The following MMAB variants were observed in gnomAD, a reference collection of about 807,000 sequenced individuals.
MMAB encodes the protein corrinoid adenosyltransferase MMAB.
In MMAB, 17 loss-of-function variants were observed where a neutral mutation model predicts 30.6. The ratio of observed to expected loss-of-function variants is 0.56; its 90% CI spans 0.38 to 0.83. MMAB has a LOEUF of 0.83. Among genes scored for constraint, MMAB ranks in the 40% least tolerant of loss-of-function variants. The pLI, the probability that MMAB is intolerant of heterozygous loss-of-function variation, is 0.00. For synonymous variants in MMAB, 134 were observed against 138.6 expected (o/e 0.97, Z 0.23); for missense variants, 311 against 331.6 (o/e 0.94, Z 0.48).
At chr12:109,564,456 T>G (rs1884338542) in intron 4 of MMAB, among the ~76,000 whole-genome samples, 1 of 148,880 alleles carries the variant, frequency 6.7e-6, no homozygotes, top group Non-Finnish European at 1.5e-5. Flanking sequence ...TAATCACATC[T>G]CACTGCAGCC....
chr12:109,556,958 A>G lies in MMAB; in HGVS notation c.*70T>C. 1 of 1,078,310 alleles carries G rather than the reference A, an allele frequency of 9.3e-7. No individual in the cohort carries two copies. The highest frequency in any genetic ancestry group is 1.4e-6 in the Non-Finnish European group (1 of 699,088). The allele number at this position is 1,078,310 out of a possible 1,614,324, so 66.8% of individuals were successfully genotyped here. A position where few individuals can be genotyped will look rare whatever the true frequency, so the allele number is the denominator to read the frequency against. On this transcript the variant is annotated 3_prime_UTR_variant, in exon 9 of 9. Coordinates refer to ENST00000545712, the MANE Select transcript of MMAB (RefSeq NM_052845.4). ...TGAGCTCTTCAGGAACCAGGACCCCAGAAGGGCAAGCTCCTCTCTCCACGG... is the reference window on the plus strand; with the variant it reads ...TGAGCTCTTCAGGAACCAGGACCCCGGAAGGGCAAGCTCCTCTCTCCACGG...
At position 109,561,595 on chromosome 12, in the gene MMAB, C is replaced by T. The variant is rs560702120; in HGVS notation, c.422-78G>A. The T allele has an allele frequency of 6.2e-5, 84 of 1,344,854 alleles. No homozygotes were observed. The African/African-American group carries it at 1.0e-3, about 16-fold the overall frequency. 83.3% of individuals were successfully genotyped at this position (1,344,854 alleles called of 1,614,324 possible). On this transcript the variant is annotated intron_variant, in intron 5 of 8. Transcript: ENST00000545712. This position sits in a 1 kb window ranked among gnomAD's most constrained non-coding sequence, Gnocchi z 5.3. ...CATGGCGGGAACCACCCCCGCCGCC[C>T]TTCCACCTGGGTGTCCCGCAGACTG...
At position 109,568,762 on chromosome 12, in the gene MMAB, C is replaced by A; in HGVS notation, c.290+8G>T. Reference sequence around the variant, plus strand: ...ACGCAACCTCAAGGCCAATCCTGTCCCCCTTACCCAATAGCTGAACTTAAT... The same window carrying A: ...ACGCAACCTCAAGGCCAATCCTGTCACCCTTACCCAATAGCTGAACTTAAT... On this transcript the variant is annotated splice_region_variant and intron_variant, in intron 3 of 8. Transcript: ENST00000545712. 1 of 1,609,502 alleles carries A rather than the reference C, an allele frequency of 6.2e-7. No individual in the cohort carries two copies.
intron 7 of MMAB, among the ~76,000 whole-genome samples, chr12:109,560,038 G>A (rs570316456): frequency 3.9e-5 from 6 of 152,346 alleles, no homozygotes; most frequent in South Asian, 4.1e-4. Context: ...GCCTGTTTTC[G>A]GGGCCTTTGG....
At chr12:109,573,158 T>C (rs1884716831) in intron 1 of MMAB, 189 bp downstream of exon 1, 7 of 704,476 alleles carry the variant, frequency 9.9e-6, no homozygotes, top group Non-Finnish European at 1.7e-5. Flanking sequence ...GGGACTTCAT[T>C]GGGACTTAGG....
chr12:109,562,372 G>T (rs992607756), intron 4 of MMAB, among the ~76,000 whole-genome samples: 3 of 152,204 alleles, frequency 2.0e-5, no homozygotes, highest in Non-Finnish European at 4.4e-5. Flanking sequence ...ACTAATACAG[G>T]CTATCAGACC....
rs929863963 is a variant in MMAB at position 109,553,979 on chromosome 12, C to T, written c.*3049G>A. On this transcript the variant is annotated 3_prime_UTR_variant, in exon 9 of 9. Coordinates refer to ENST00000545712, the MANE Select transcript of MMAB (RefSeq NM_052845.4). The stretch of plus-strand genomic sequence containing the variant: ...GATGAAAAACGCACATTAACGATAG[C>T]CATGAAATATTAGTTAAGGGAAACT... 3 of 453,964 alleles carry T rather than the reference C, an allele frequency of 6.6e-6. No homozygotes were observed. The highest frequency in any genetic ancestry group is 6.0e-5 in the African/African-American group (3 of 49,980). The allele number at this position is 453,964 out of a possible 1,614,324, so 28.1% of individuals were successfully genotyped here.
rs934728370 is a variant in MMAB at position 109,558,364 on chromosome 12, C to T, written c.644+732G>A. On this transcript the variant is annotated intron_variant, in intron 8 of 8. Transcript: ENST00000545712. This position sits in a 1 kb window ranked among gnomAD's most constrained non-coding sequence, Gnocchi z 4.3. ...AGAAGGAAAGGAGCTGCTCAGGACC[C>T]GTCAAAGCGCCATGTCTCTGGGAGG... Among the ~76,000 whole-genome samples, 3 of 152,164 alleles carry T rather than the reference C, an allele frequency of 2.0e-5. No homozygotes were observed. The highest frequency in any genetic ancestry group is 2.9e-5 in the Non-Finnish European group (2 of 68,030).
intron 3 of MMAB, 62 bp from the exon 4 acceptor site, chr12:109,565,238 A>G: frequency 1.6e-6 from 2 of 1,286,162 alleles, no homozygotes; most frequent in Non-Finnish European, 1.1e-6. Context: ...CTGTCTTGCC[A>G]TAAACAATAG....
Position 109,554,245 on chromosome 12 carries a change from C to T in MMAB, c.*2783G>A, listed in dbSNP as rs1012338830. ...TTCAAATGAGATAATGTCTGTGGAA[C>T]ACTTGGCTCAGGGCACTGCACATAG... On this transcript the variant is annotated 3_prime_UTR_variant, in exon 9 of 9. Coordinates refer to ENST00000545712, the MANE Select transcript of MMAB (RefSeq NM_052845.4). 17 of 453,976 alleles carry T rather than the reference C, an allele frequency of 3.7e-5. No individual in the cohort carries two copies. The highest frequency in any genetic ancestry group is 7.1e-5 in the Non-Finnish European group (16 of 226,788). 28.1% of individuals were successfully genotyped at this position (453,976 alleles called of 1,614,324 possible).
intron 1 of MMAB, chr12:109,573,123 ATGCCC>A: frequency 3.2e-6 from 2 of 617,580 alleles, no homozygotes; most frequent in South Asian, 1.8e-5. Flanking sequence ...CACATGGGAT[ATGCCC>A]TGCCCTGCCC....
rs1555274482 is a variant in MMAB at position 109,561,006 on chromosome 12, CCTTGGGCCCTCTCCCTCTCT to C, written c.584+14_584+33del. The stretch of plus-strand genomic sequence containing the variant: ...CCTCCCCCTTGTTCCTCTCCCTCTC[CCTTGGGCCCTCTCCCTCTCT>C]CCAGCCCTCTTACCGTCTCTCGGCC... On this transcript the variant is annotated intron_variant, in intron 7 of 8. Transcript: ENST00000545712. This position sits in a 1 kb window ranked among gnomAD's most constrained non-coding sequence, Gnocchi z 5.3. The C allele has an allele frequency of 5.7e-6, 8 of 1,414,186 alleles. No homozygotes were observed. Among genetic ancestry groups the C allele is most frequent in the Non-Finnish European group, 7.9e-6 (8 of 1,011,500 alleles). 87.6% of individuals were successfully genotyped at this position (1,414,186 alleles called of 1,614,324 possible). A position where few individuals can be genotyped will look rare whatever the true frequency, so the allele number is the denominator to read the frequency against.
At chr12:109,565,289 A>C (rs1744089751) in intron 3 of MMAB, 113 bp from the exon 4 acceptor site, 1 of 810,394 alleles carries the variant, frequency 1.2e-6, no homozygotes, top group Non-Finnish European at 2.2e-6. Context: ...TAGCTATAAT[A>C]GCCATGTTAT....
At chr12:109,559,245 C>T in intron 7 of MMAB, 90 bp from the exon 8 acceptor site, 1 of 950,844 alleles carries the variant, frequency 1.1e-6, no homozygotes. Context: ...ATTTCACATC[C>T]TGCCACCGCT....
chr12:109,562,936 C>T (rs1052665743), intron 4 of MMAB, among the ~76,000 whole-genome samples: 2 of 152,214 alleles, frequency 1.3e-5, no homozygotes, highest in Non-Finnish European at 2.9e-5. Context: ...ACTTTGTGCC[C>T]AGCCAGGGTC....
rs1020513984 is a variant in MMAB at position 109,553,886 on chromosome 12, CG to C, written c.*3141del. On this transcript the variant is annotated 3_prime_UTR_variant, in exon 9 of 9. Coordinates refer to ENST00000545712, the MANE Select transcript of MMAB (RefSeq NM_052845.4). ...GCAGCAAGGGTGACATTGCCACTGA[CG>C]GGGGCTTCCGAACTGGGGACGTTTG... The C allele has an allele frequency of 1.1e-5, 5 of 453,898 alleles. No individual in the cohort carries two copies. The Admixed American group carries it at 1.2e-4, about 11-fold the overall frequency. The allele number at this position is 453,898 out of a possible 1,614,324, so 28.1% of individuals were successfully genotyped here. A position where few individuals can be genotyped will look rare whatever the true frequency, so the allele number is the denominator to read the frequency against.
intron 1 of MMAB, among the ~76,000 whole-genome samples, chr12:109,572,411 A>ATTTTTTTTTT (rs34992643): frequency 1.7e-5 from 2 of 119,060 alleles, no homozygotes; most frequent in African/African-American, 3.4e-5. Flanking sequence ...CACCCAGCTA[A>ATTTTTTTTTT]TTTTTTTTTT....
intron 4 of MMAB, among the ~76,000 whole-genome samples, chr12:109,562,499 A>G (rs890256243): frequency 5.9e-5 from 9 of 152,152 alleles, no homozygotes; most frequent in African/African-American, 1.9e-4. Context: ...AGGGAGGAAA[A>G]GGCTCCCATG....
chr12:109,561,241 A>C lies in MMAB; in HGVS notation c.520-137T>G, dbSNP rs2136198716. On this transcript the variant is annotated intron_variant, in intron 6 of 8. Transcript: ENST00000545712. The surrounding 1 kb of genome is among the most constrained non-coding windows in gnomAD (Gnocchi z 5.3). ...CCAGGAGCCCTGCCACGGCACACCCACCGGGCACGCTGCTCCAGAGTGGGC... is the reference window on the plus strand; with the variant it reads ...CCAGGAGCCCTGCCACGGCACACCCCCCGGGCACGCTGCTCCAGAGTGGGC... The C allele has an allele frequency of 6.3e-7, 1 of 1,591,792 alleles. No homozygotes were observed. Among genetic ancestry groups the C allele is most frequent in the South Asian group, 1.1e-5 (1 of 90,052 alleles).
Sources: gnomAD v4.1 joint callset for allele counts (sites outside exome capture counted in the v4.1 genomes callset) on GRCh38, gnomAD v4.1.1 for gene constraint, Gnocchi (gnomAD v3.1) non-coding constraint, MANE v1.5 for transcripts, NCBI Gene and HGNC (gene_info 2026-07-23, HGNC 2026-07-21) for gene names.